The following NELFE variants were observed in gnomAD, a reference collection of about 807,000 sequenced individuals.
NELFE encodes the protein negative elongation factor complex member E.
NELFE carries 26 observed loss-of-function variants against 55.5 expected under a neutral mutation model. The ratio of observed to expected loss-of-function variants is 0.47; its 90% CI spans 0.34 to 0.65. NELFE has a LOEUF of 0.65. NELFE is among the 30% of genes least tolerant of loss of function. The probability of loss-of-function intolerance (pLI) is 0.01; values close to 1 mark genes in which losing one functional copy is unlikely to be tolerated. For synonymous variants in NELFE, 162 were observed against 178.0 expected, an observed-to-expected ratio of 0.91 and a Z score of 0.72; for missense variants, 403 against 506.9, an observed-to-expected ratio of 0.80 and a Z score of 1.97.
chr6:31,957,116 C>T, intron 2 of NELFE, 106 bp from the exon 3 acceptor site: 1 of 967,556 alleles, frequency 1.0e-6, no homozygotes, highest in Non-Finnish European at 1.6e-6. Context: ...TTTCTTGATG[C>T]CCTCAGAGTG....
chr6:31,957,971 G>A lies in NELFE; in HGVS notation c.75+401C>T, dbSNP rs191790964. Among the ~76,000 whole-genome samples the A allele has an allele frequency of 2.6e-5, 4 of 152,248 alleles. No homozygotes were observed. The East Asian group carries it at 7.7e-4, about 29-fold the overall frequency. ...TGGCAAAGGTTTGACTATGCAAATA[G>A]TGGGGAAGTCAGAGTTTTGAGTCCA... On this transcript the variant is annotated intron_variant, in intron 2 of 10. Coordinates refer to ENST00000375429, the MANE Select transcript of NELFE (RefSeq NM_002904.6).
chr6:31,956,764 T>C lies in NELFE; in HGVS notation c.220A>G (p.Ile74Val). Residue 74 changes from isoleucine (I) to valine (V), a missense_variant, in exon 4 of 11, where the codon ATC (isoleucine) becomes GTC (valine). Transcript: ENST00000375429. ...QAKQLVKSGA[I>V]SAIKAETKNS... ...TTGGTCTCAGCCTTGATGGCACTGA[T>C]GGCTCCTGACTTCACCAGCTGCTTT... 6.2e-7 allele frequency: 1 copy of C among 1,613,106 alleles called. No homozygotes were observed. Among genetic ancestry groups the C allele is most frequent in the Non-Finnish European group, 8.5e-7 (1 of 1,180,038 alleles).
intron 10 of NELFE, 30 bp from the exon 11 acceptor site, chr6:31,952,428 T>A: frequency 6.5e-7 from 1 of 1,532,156 alleles, no homozygotes; most frequent in Middle Eastern, 1.7e-4. Flanking sequence ...ACAGTTAAGG[T>A]CTAAAGGAGA....
In NELFE at chr6:31,954,599, T is replaced by C. The variant is rs1771957373; in HGVS notation, c.698A>G (p.Asp233Gly). 6.3e-7 allele frequency: 1 copy of C among 1,596,028 alleles called. No homozygotes were observed. The highest frequency in any genetic ancestry group is 1.7e-5 in the Admixed American group (1 of 58,640). Residue 233 changes from aspartate to glycine, a missense_variant, in exon 7 of 11, where the codon GAT becomes GGT. Asp to Gly is a moderately conservative substitution (Grantham distance 94). Around this residue, in one of 3 missense-constraint regions of NELFE, gnomAD observed 229 missense variants for 228.3 expected, o/e 1.00. Coordinates refer to ENST00000375429, the MANE Select transcript of NELFE (RefSeq NM_002904.6). This position sits in a 1 kb window ranked among gnomAD's most constrained non-coding sequence, Gnocchi z 5.5. Reference protein sequence around the residue: ...DRDRDRERDRDRERDRDRDRE... With the variant: ...DRDRDRERDRGRERDRDRDRE... ...GTCTCGGTCTCGATCCCGCTCCCGA[T>C]CCCTGTCCCGTTCCCGGTCTCGATC...
rs903961871 is a variant in NELFE, at chr6:31,952,402, G to A, written c.1046-4C>T. 1.2e-6 allele frequency: 2 copies of A among 1,607,430 alleles called. No individual in the cohort carries two copies. The highest frequency in any genetic ancestry group is 8.5e-7 in the Non-Finnish European group (1 of 1,174,266). On this transcript the variant is annotated splice_polypyrimidine_tract_variant and splice_region_variant and intron_variant, in intron 10 of 10. Coordinates refer to ENST00000375429, the MANE Select transcript of NELFE (RefSeq NM_002904.6). ...CCCTTAGGGCTGTTCTGGACAGCTA[G>A]GGAGGGAGGAGAGGAACAGTTAAGG...
In NELFE at chr6:31,958,451, G is replaced by A; in HGVS notation, c.-5C>T. The A allele has an allele frequency of 6.2e-7, 1 of 1,612,860 alleles. No homozygotes were observed. Among genetic ancestry groups the A allele is most frequent in the East Asian group, 2.2e-5 (1 of 44,890 alleles). ...TCCGGGGGGTATCACCAACATGGTG[G>A]CTCCTAGTTCAGGGGCAGGGCCCAA... is the stretch of plus-strand genomic sequence containing the variant. On this transcript the variant is annotated 5_prime_UTR_variant, in exon 2 of 11. Transcript: ENST00000375429.
Position 31,954,661 on chromosome 6 carries a change from TCTGTCTCG to T in NELFE, c.628_635del (p.Asp211GlnfsTer41). The stretch of plus-strand genomic sequence containing the variant: ...CCCGATCCCTGTCCCGCTCTCTGTC[TCTGTCTCG>T]ATCCCGGTCTCGATCCCGCTCCCGA... On this transcript the variant is annotated frameshift_variant, in exon 7 of 11. Coordinates refer to ENST00000375429, the MANE Select transcript of NELFE (RefSeq NM_002904.6). LOFTEE classifies it high-confidence loss of function. This position sits in a 1 kb window ranked among gnomAD's most constrained non-coding sequence, Gnocchi z 5.5. The T allele has an allele frequency of 6.3e-7, 1 of 1,598,338 alleles. No homozygotes were observed. The highest frequency in any genetic ancestry group is 8.5e-7 in the Non-Finnish European group (1 of 1,171,730).
At chr6:31,957,516 C>T in intron 2 of NELFE, 1 of 455,478 alleles carries the variant, frequency 2.2e-6, no homozygotes, top group Non-Finnish European at 4.4e-6. Context: ...GTAAGATTTT[C>T]TGATGTTTAA....
In NELFE at chr6:31,954,479, C is replaced by T; in HGVS notation, c.743-37G>A. 1 of 1,580,644 alleles carries T rather than the reference C, an allele frequency of 6.3e-7. No individual in the cohort carries two copies. The highest frequency in any genetic ancestry group is 8.6e-7 in the Non-Finnish European group (1 of 1,160,996). ...CAAATCATAGTCACAAGACATAGAC[C>T]ATGCCACATTTCACTTAGTAGGACC... On this transcript the variant is annotated intron_variant, in intron 7 of 10. Coordinates refer to ENST00000375429, the MANE Select transcript of NELFE (RefSeq NM_002904.6). This position sits in a 1 kb window ranked among gnomAD's most constrained non-coding sequence, Gnocchi z 5.5.
In NELFE at chr6:31,954,930, A is replaced by G; in HGVS notation, c.405-38T>C. 1 of 1,585,620 alleles carries G rather than the reference A, an allele frequency of 6.3e-7. No individual in the cohort carries two copies. Among genetic ancestry groups the G allele is most frequent in the Non-Finnish European group, 8.6e-7 (1 of 1,165,656 alleles). ...AGACTGAAGATCAAAGGGGGGTTTT[A>G]CCTTCTCCCCTCAGACCCTGTGGAG... On this transcript the variant is annotated intron_variant, in intron 6 of 10. Transcript: ENST00000375429. The surrounding 1 kb of genome is among the most constrained non-coding windows in gnomAD (Gnocchi z 5.5).
Position 31,956,708 on chromosome 6 carries a change from A to G in NELFE, c.276T>C (p.Leu92=). The change falls in exon 4 of 11, where the codon CTT becomes CTC. Residue 92 remains leucine, a synonymous_variant. Coordinates refer to ENST00000375429, the MANE Select transcript of NELFE (RefSeq NM_002904.6). ...KNSGFKRSRT[L]EGKLKDPEKG... is the part of the protein sequence containing the mutation. ...TTGTGCTCACCTTTAACTTCCCCTCAAGGGTTCGAGAACGCTTGAAGCCTG... is the reference window on the plus strand; with the variant it reads ...TTGTGCTCACCTTTAACTTCCCCTCGAGGGTTCGAGAACGCTTGAAGCCTG... 2 of 1,606,252 alleles carry G rather than the reference A, an allele frequency of 1.2e-6. No homozygotes were observed. Among genetic ancestry groups the G allele is most frequent in the East Asian group, 4.5e-5 (2 of 44,684 alleles).
Position 31,954,201 on chromosome 6 carries a change from G to C in NELFE, c.888-67C>G. On this transcript the variant is annotated intron_variant, in intron 8 of 10. Coordinates refer to ENST00000375429, the MANE Select transcript of NELFE (RefSeq NM_002904.6). The surrounding 1 kb of genome is among the most constrained non-coding windows in gnomAD (Gnocchi z 5.5). ...TCTTCTGGACCCAACCAAACCCAGTGATAATAGGCGGCTGCAGGGAGGGCA... is the reference window on the plus strand; with the variant it reads ...TCTTCTGGACCCAACCAAACCCAGTCATAATAGGCGGCTGCAGGGAGGGCA... The C allele has an allele frequency of 6.2e-7, 1 of 1,610,150 alleles. No homozygotes were observed. Among genetic ancestry groups the C allele is most frequent in the Non-Finnish European group, 8.5e-7 (1 of 1,176,632 alleles).
chr6:31,952,128 C>CA lies in NELFE; in HGVS notation c.*172dup. The CA allele has an allele frequency of 6.5e-7, 1 of 1,535,512 alleles. No individual in the cohort carries two copies. ...TTGGGGCAAGGGAGTGGGGAACAGG[C>CA]ACTGGCCATGTTGTTACACTGAGAT... On this transcript the variant is annotated 3_prime_UTR_variant, in exon 11 of 11. Transcript: ENST00000375429.
rs1368286458 is a variant in NELFE at position 31,954,841 on chromosome 6, C to T, written c.456G>A (p.Glu152=). ...CATCACCAGCCCCTGGGCCCTCTGC[C>T]TCTTCTCCATCTGGTCCTAGTTCTC... ...RLRELGPDGE[E]AEGPGAGDGP... Residue 152 remains glutamate, a synonymous_variant, in exon 7 of 11, where the codon GAG becomes GAA. Coordinates refer to ENST00000375429, the MANE Select transcript of NELFE (RefSeq NM_002904.6). This position sits in a 1 kb window ranked among gnomAD's most constrained non-coding sequence, Gnocchi z 5.5. 6.3e-7 allele frequency: 1 copy of T among 1,582,830 alleles called. No homozygotes were observed. The highest frequency in any genetic ancestry group is 8.6e-7 in the Non-Finnish European group (1 of 1,166,184).
At chr6:31,955,189 C>A (rs1248723891) in intron 5 of NELFE, 30 bp downstream of exon 5, 1 of 1,611,372 alleles carries the variant, frequency 6.2e-7, no homozygotes, top group Non-Finnish European at 8.5e-7. Context: ...CATCCCCAAC[C>A]CCTCAGGGAC....
Position 31,954,921 on chromosome 6 carries a change from G to A in NELFE, c.405-29C>T, listed in dbSNP as rs777259507. On this transcript the variant is annotated intron_variant, in intron 6 of 10. Transcript: ENST00000375429. The surrounding 1 kb of genome is among the most constrained non-coding windows in gnomAD (Gnocchi z 5.5). ...GGGAGATGCAGACTGAAGATCAAAG[G>A]GGGGTTTTACCTTCTCCCCTCAGAC... 4.4e-6 allele frequency: 7 copies of A among 1,579,418 alleles called. No homozygotes were observed. The Admixed American group carries it at 9.0e-5, about 20-fold the overall frequency.
At chr6:31,956,650 C>G in intron 4 of NELFE, 43 bp downstream of exon 4, 1 of 1,562,740 alleles carries the variant, frequency 6.4e-7, no homozygotes, top group Non-Finnish European at 8.7e-7. Context: ...TACATTCCAA[C>G]TTGGAGGGAT....
intron 2 of NELFE, chr6:31,957,217 AG>A (rs1394338486): frequency 6.5e-6 from 4 of 617,618 alleles, no homozygotes; most frequent in African/African-American, 5.5e-5. Context: ...CGGAACCCAG[AG>A]GTTTTCCAGA....
intron 2 of NELFE, chr6:31,957,544 C>T: frequency 2.3e-6 from 1 of 443,444 alleles, no homozygotes. Context: ...TAAACTAGGC[C>T]CTCTCCCGTA....
Sources: gnomAD v4.1 joint callset for allele counts (sites outside exome capture counted in the v4.1 genomes callset) on GRCh38, gnomAD v4.1.1 for gene constraint, gnomAD v4.1.1 regional missense constraint, Gnocchi (gnomAD v3.1) non-coding constraint, MANE v1.5 for transcripts, NCBI Gene and HGNC (gene_info 2026-07-23, HGNC 2026-07-21) for gene names.